Variants in MCUB observed in about 807,000 individuals in gnomAD.
MCUB encodes the protein calcium uniporter regulatory subunit MCUb, mitochondrial.
Under a neutral mutation model 41.4 loss-of-function variants are expected in MCUB, and 46 were observed. The observed-to-expected ratio is 1.11, with a 90% CI of 0.88 to 1.42. The LOEUF (loss-of-function observed/expected upper bound fraction) is 1.42. MCUB is among the 40% of genes most tolerant of loss of function. MCUB has a pLI of 0.00. For synonymous variants in MCUB, 148 were observed against 148.2 expected (o/e 1.00, Z 0.01); for missense variants, 403 against 404.9 (o/e 1.00, Z 0.04).
At chr4:109,627,949 T>C (rs1330750989) in intron 1 of MCUB, among the ~76,000 whole-genome samples, 1 of 151,156 alleles carries the variant, frequency 6.6e-6, no homozygotes, top group African/African-American at 2.4e-5. Context: ...CTTGCTCTCT[T>C]GAAGTTTTAG....
At chr4:109,631,763 T>C (rs1479315896) in intron 1 of MCUB, among the ~76,000 whole-genome samples, 1 of 152,228 alleles carries the variant, frequency 6.6e-6, no homozygotes, top group Admixed American at 6.5e-5. Flanking sequence ...AGATCGGTAC[T>C]GTCCTTCCAG....
chr4:109,630,912 T>G (rs1728461530), intron 1 of MCUB, among the ~76,000 whole-genome samples: 1 of 152,212 alleles, frequency 6.6e-6, no homozygotes, highest in Non-Finnish European at 1.5e-5. Flanking sequence ...TTGCATTAAA[T>G]GTACTGCCGT....
chr4:109,593,032 AACAG>A (rs1483578870), intron 1 of MCUB, among the ~76,000 whole-genome samples: 4 of 152,348 alleles, frequency 2.6e-5, no homozygotes, highest in Admixed American at 6.5e-5. Context: ...ATTTCTAGAT[AACAG>A]ACAAATGCTT....
intron 1 of MCUB, among the ~76,000 whole-genome samples, chr4:109,646,900 T>C (rs78153418): frequency 0.013 from 1,922 of 152,338 alleles, 38 homozygotes; most frequent in African/African-American, 0.044. Flanking sequence ...TATTTTTTCA[T>C]TAAAATGTAT....
At chr4:109,599,406 T>C (rs1215268613) in intron 1 of MCUB, among the ~76,000 whole-genome samples, 1 of 151,904 alleles carries the variant, frequency 6.6e-6, no homozygotes, top group African/African-American at 2.4e-5. Context: ...ACCTTTACTC[T>C]TTTTTCTGAA....
chr4:109,627,136 C>T (rs762096141), intron 1 of MCUB, among the ~76,000 whole-genome samples: 2 of 152,154 alleles, frequency 1.3e-5, no homozygotes, highest in Admixed American at 6.5e-5. Flanking sequence ...TTATTTACCA[C>T]TATTTCTAAA....
chr4:109,621,631 A>G lies in MCUB; in HGVS notation c.100-37380A>G, dbSNP rs1038915878. ...ACGTAATGTTCTACAGTGGCCGTAC[A>G]CAGAAGAAATAAAGCAAATTTTATC... On this transcript the variant is annotated intron_variant, in intron 1 of 7. Coordinates refer to ENST00000394650, the MANE Select transcript of MCUB (RefSeq NM_017918.5). Among the ~76,000 whole-genome samples the G allele has an allele frequency of 2.0e-5, 3 of 152,372 alleles. No homozygotes were observed. The South Asian group carries it at 6.2e-4, about 32-fold the overall frequency.
intron 1 of MCUB, among the ~76,000 whole-genome samples, chr4:109,574,758 G>A (rs867866805): frequency 5.3e-5 from 8 of 152,152 alleles, no homozygotes; most frequent in Non-Finnish European, 5.9e-5. Flanking sequence ...GCACTGCCAC[G>A]CTGGTCAGGC....
chr4:109,609,109 G>A (rs1727945237), intron 1 of MCUB, among the ~76,000 whole-genome samples: 1 of 152,134 alleles, frequency 6.6e-6, no homozygotes, highest in Non-Finnish European at 1.5e-5. Flanking sequence ...AGCTGGGAGT[G>A]GGGTGACACA....
At chr4:109,603,798 T>A (rs1258879197) in intron 1 of MCUB, among the ~76,000 whole-genome samples, 1 of 149,590 alleles carries the variant, frequency 6.7e-6, no homozygotes, top group Non-Finnish European at 1.5e-5. Context: ...AGCCTCCCCG[T>A]CTGGGAGGTG....
chr4:109,652,955 A>G (rs1462464914), intron 1 of MCUB, among the ~76,000 whole-genome samples: 1 of 152,200 alleles, frequency 6.6e-6, no homozygotes, highest in Non-Finnish European at 1.5e-5. Flanking sequence ...CCTGGGGAGT[A>G]TGCACTCTAG....
intron 1 of MCUB, among the ~76,000 whole-genome samples, chr4:109,603,132 G>C (rs951757451): frequency 1.3e-5 from 2 of 152,206 alleles, no homozygotes; most frequent in Non-Finnish European, 2.9e-5. Context: ...CGCTCTCCGC[G>C]GTCTCCCTCT....
intron 4 of MCUB, among the ~76,000 whole-genome samples, chr4:109,675,760 T>A (rs4698778): frequency 0.11 from 17,277 of 152,224 alleles, 1,023 homozygotes; most frequent in Non-Finnish European, 0.13. Context: ...GGAGAGGTTA[T>A]CTTGGCAGTA....
chr4:109,680,210 G>A (rs1006242621), intron 4 of MCUB, among the ~76,000 whole-genome samples: 2 of 152,278 alleles, frequency 1.3e-5, no homozygotes, highest in South Asian at 2.1e-4. Context: ...CTCCCAACCC[G>A]TGGGTGCCTG....
intron 1 of MCUB, among the ~76,000 whole-genome samples, chr4:109,588,982 A>C (rs932861159): frequency 6.6e-6 from 1 of 152,218 alleles, no homozygotes; most frequent in East Asian, 1.9e-4. Context: ...AATTCTGAAA[A>C]AAAAATAATG....
intron 1 of MCUB, among the ~76,000 whole-genome samples, chr4:109,613,059 TCACA>T (rs1728052588): frequency 6.7e-6 from 1 of 150,298 alleles, no homozygotes; most frequent in Non-Finnish European, 1.5e-5. Context: ...TGAGCCGAGA[TCACA>T]CCACTGCACT....
chr4:109,576,749 A>T (rs759201459), intron 1 of MCUB, among the ~76,000 whole-genome samples: 24 of 152,224 alleles, frequency 1.6e-4, no homozygotes, highest in Non-Finnish European at 2.2e-4. Flanking sequence ...ACCACTAGGG[A>T]TGGTGTACTA....
At chr4:109,619,687 C>T (rs2126135428) in intron 1 of MCUB, among the ~76,000 whole-genome samples, 1 of 152,262 alleles carries the variant, frequency 6.6e-6, no homozygotes, top group Middle Eastern at 3.4e-3. Context: ...AGCCTGGTGA[C>T]TGGGTGGGAC....
At chr4:109,613,290 T>A (rs1175385500) in intron 1 of MCUB, among the ~76,000 whole-genome samples, 1 of 152,212 alleles carries the variant, frequency 6.6e-6, no homozygotes, top group Non-Finnish European at 1.5e-5. Flanking sequence ...CAAAACTTAG[T>A]GGCTCAAAAT....
Sources: allele counts gnomAD v4.1 joint callset (sites outside exome capture counted in the v4.1 genomes callset), GRCh38; gene constraint gnomAD v4.1.1; transcripts MANE v1.5; gene names NCBI Gene and HGNC (gene_info 2026-07-23, HGNC 2026-07-21).